GLI2: variants seen among roughly 807,000 people sequenced by gnomAD.
The protein encoded by GLI2 is GLI family zinc finger 2, also known as transcription activator GLI2.
A neutral mutation model predicts 78.9 loss-of-function variants in GLI2; 22 were observed. The ratio of observed to expected loss-of-function variants is 0.28; its 90% CI spans 0.20 to 0.40. GLI2 has a LOEUF of 0.40. GLI2 is among the 10% of genes least tolerant of loss of function. The probability of loss-of-function intolerance (pLI) is 1.00; values close to 1 mark genes in which losing one functional copy is unlikely to be tolerated. For missense variants in GLI2, 2,097 were observed against 2,213.2 expected (o/e 0.95, Z 1.05); for synonymous variants, 974 against 963.7 (o/e 1.01, Z -0.20).
intron 2 of GLI2, among the ~76,000 whole-genome samples, chr2:120,818,973 A>G (rs1685636432): frequency 2.0e-5 from 1 of 49,048 alleles, no homozygotes; most frequent in South Asian, 8.3e-4. Context: ...GCTGGGAAAC[A>G]TATCATTTTG....
At chr2:120,971,508 T>G (rs1409826526) in intron 7 of GLI2, among the ~76,000 whole-genome samples, 3 of 152,208 alleles carry the variant, frequency 2.0e-5, no homozygotes, top group Non-Finnish European at 2.9e-5. Flanking sequence ...TCTGGAAACA[T>G]CACCTGATAC....
At position 120,986,534 on chromosome 2, in the gene GLI2, A is replaced by G. The variant is rs1278646106; in HGVS notation, c.2162A>G (p.Lys721Arg). ...GAGCAGCTCAAGAAGGAGAAGCTCA[A>G]GTCACTCAAGGATTCCTGCTCATGG... ...RFEQLKKEKL[K>R]SLKDSCSWAG... The change falls in exon 13 of 14, where the codon AAG becomes AGG. Residue 721 changes from lysine to arginine, a missense_variant. Physicochemically the swap from Lys to Arg is conservative, Grantham distance 26. This residue lies in a region of GLI2 where 1,290 missense variants were observed against 1,261.7 expected (regional missense o/e 1.02). Coordinates refer to ENST00000361492, the MANE Select transcript of GLI2 (RefSeq NM_001374353.1). 12 of 1,614,064 alleles carry G rather than the reference A, an allele frequency of 7.4e-6. No individual in the cohort carries two copies. The highest frequency in any genetic ancestry group is 1.7e-5 in the Admixed American group (1 of 60,008).
intron 9 of GLI2, among the ~76,000 whole-genome samples, chr2:120,977,552 G>C (rs549136347): frequency 1.3e-5 from 2 of 152,308 alleles, no homozygotes; most frequent in South Asian, 2.1e-4. Flanking sequence ...GTTGTGGGAG[G>C]GGGGCTGGGA....
intron 2 of GLI2, among the ~76,000 whole-genome samples, chr2:120,870,550 G>C (rs1180611621): frequency 1.3e-5 from 2 of 152,158 alleles, no homozygotes; most frequent in East Asian, 3.9e-4. Context: ...CTCAGCGGAG[G>C]TGTGACTGCC....
chr2:120,767,195 C>T (rs1650765953), intron 1 of GLI2, among the ~76,000 whole-genome samples: 1 of 152,178 alleles, frequency 6.6e-6, no homozygotes, highest in Non-Finnish European at 1.5e-5. Context: ...CTGTGGAAGC[C>T]ACCTCCTTGC....
In GLI2 at chr2:120,948,439, G is replaced by T. The variant is rs555632872; in HGVS notation, c.255-2804G>T. ...ATGCTTGCGGTGGGAAGGGGGAGGT[G>T]GAGTCTACCTTCCCCAAATGGTGGC... is the stretch of plus-strand genomic sequence containing the variant. On this transcript the variant is annotated intron_variant, in intron 3 of 13. Coordinates refer to ENST00000361492, the MANE Select transcript of GLI2 (RefSeq NM_001374353.1). 2.6e-5 allele frequency among the ~76,000 whole-genome samples: 4 copies of T among 152,222 alleles called. No homozygotes were observed. In the South Asian group the frequency reaches 8.3e-4, roughly 32 times the overall value.
chr2:120,959,546 T>A (rs1681438985), intron 5 of GLI2, among the ~76,000 whole-genome samples: 1 of 152,242 alleles, frequency 6.6e-6, no homozygotes, highest in African/African-American at 2.4e-5. Context: ...CTTTTAAAAA[T>A]GCTTTCCGCA....
At chr2:120,855,813 G>A (rs1158497295) in intron 2 of GLI2, among the ~76,000 whole-genome samples, 2 of 152,176 alleles carry the variant, frequency 1.3e-5, no homozygotes, top group African/African-American at 4.8e-5. Flanking sequence ...GTAAGGGGTG[G>A]AGCAGCCTTC....
intron 2 of GLI2, among the ~76,000 whole-genome samples, chr2:120,889,724 A>G (rs953140497): frequency 6.6e-6 from 1 of 152,248 alleles, no homozygotes; most frequent in Non-Finnish European, 1.5e-5. Flanking sequence ...AAGCACATGA[A>G]AAGGTGTTCA....
At chr2:120,977,302 T>G (rs1682500548) in intron 9 of GLI2, among the ~76,000 whole-genome samples, 1 of 152,160 alleles carries the variant, frequency 6.6e-6, no homozygotes, top group African/African-American at 2.4e-5. Context: ...AAGAAACAGG[T>G]GAAGTTAATT....
intron 2 of GLI2, among the ~76,000 whole-genome samples, chr2:120,806,912 C>G (rs1241925698): frequency 6.6e-6 from 1 of 152,210 alleles, no homozygotes; most frequent in East Asian, 1.9e-4. Context: ...TGTGGTTCCC[C>G]CATGGAGAAA....
chr2:120,895,576 G>A (rs191370139), intron 2 of GLI2, among the ~76,000 whole-genome samples: 1 of 152,208 alleles, frequency 6.6e-6, no homozygotes, highest in African/African-American at 2.4e-5. Context: ...GGTGACATGG[G>A]CCTGTAATCC....
At chr2:120,840,097 C>T (rs2104576100) in intron 2 of GLI2, among the ~76,000 whole-genome samples, 1 of 152,238 alleles carries the variant, frequency 6.6e-6, no homozygotes, top group African/African-American at 2.4e-5. Context: ...AAACATATTT[C>T]TAAGTTATGC....
intron 2 of GLI2, among the ~76,000 whole-genome samples, chr2:120,854,077 C>T (rs1377465909): frequency 1.3e-5 from 2 of 152,084 alleles, no homozygotes; most frequent in African/African-American, 4.8e-5. Flanking sequence ...AGATTCCTGC[C>T]CTCAAACTGC....
intron 2 of GLI2, among the ~76,000 whole-genome samples, chr2:120,831,452 A>G (rs1421419192): frequency 6.6e-6 from 1 of 152,212 alleles, no homozygotes. Context: ...TGGGATGCTG[A>G]TGTCAGGCCA....
rs764270076 is a variant in GLI2, at chr2:120,989,954, G to A, written c.3989G>A (p.Arg1330His). Residue 1330 changes from arginine to histidine, a missense_variant, in exon 14 of 14, where the codon CGC becomes CAC. By Grantham distance (29) the Arg-to-His change is conservative (BLOSUM62 0). Coordinates refer to ENST00000361492, the MANE Select transcript of GLI2 (RefSeq NM_001374353.1). ...YHQVPSLLPA[R>H]QPGFMEPQTG... is the part of the protein sequence containing the mutation. ...CAGGTCCCCAGCCTTCTGCCTGCCC[G>A]CCAGCCTGGCTTCATGGAGCCCCAA... 8.1e-6 allele frequency: 13 copies of A among 1,610,682 alleles called. No homozygotes were observed. The highest frequency in any genetic ancestry group is 3.3e-4 in the Middle Eastern group (2 of 6,074).
At chr2:120,987,002 G>A (rs1291765601) in intron 13 of GLI2, among the ~76,000 whole-genome samples, 1 of 152,228 alleles carries the variant, frequency 6.6e-6, no homozygotes, top group African/African-American at 2.4e-5. Flanking sequence ...ATGGTTAGAA[G>A]GCTGTGCCAC....
Position 120,968,721 on chromosome 2 carries a change from T to A in GLI2, c.651T>A (p.Arg217=). The change falls in exon 6 of 14, where the codon CGT becomes CGA. Residue 217 remains arginine, a synonymous_variant. Transcript: ENST00000361492. ...GTGTTGACTATCCCACAGTGTCCCG[T>A]TTCTCCAGCCCGCGGGTGACGCCCC... is the stretch of plus-strand genomic sequence containing the variant. The part of the protein sequence containing the change: ...HDYLNPVDVS[R]FSSPRVTPRL... 6.2e-7 allele frequency: 1 copy of A among 1,611,164 alleles called. No homozygotes were observed. The highest frequency in any genetic ancestry group is 8.5e-7 in the Non-Finnish European group (1 of 1,178,460).
intron 2 of GLI2, among the ~76,000 whole-genome samples, chr2:120,860,710 G>A (rs1687862552): frequency 6.6e-6 from 1 of 152,208 alleles, no homozygotes; most frequent in Admixed American, 6.5e-5. Context: ...TGTGGAAGAG[G>A]CAGGGTTCCT....
Sources: gnomAD v4.1 joint callset for allele counts (sites outside exome capture counted in the v4.1 genomes callset) on GRCh38, gnomAD v4.1.1 for gene constraint, gnomAD v4.1.1 regional missense constraint, MANE v1.5 for transcripts, NCBI Gene and HGNC (gene_info 2026-07-23, HGNC 2026-07-21) for gene names.